NR6A1: variants seen among roughly 807,000 people sequenced by gnomAD.
NR6A1 encodes retinoic acid receptor-related testis-associated receptor.
Under a neutral mutation model 59.1 loss-of-function variants are expected in NR6A1, and 7 were observed. The ratio of observed to expected loss-of-function variants is 0.12; its 90% CI spans 0.07 to 0.22. The LOEUF (loss-of-function observed/expected upper bound fraction) is 0.22. NR6A1 is among the 10% of genes least tolerant of loss of function. NR6A1 has a pLI of 1.00. For missense variants in NR6A1, 468 were observed against 611.6 expected, an observed-to-expected ratio of 0.77 and a Z score of 2.48; for synonymous variants, 243 against 236.1, an observed-to-expected ratio of 1.03 and a Z score of -0.27.
chr9:124,680,438 G>T (rs904762115), intron 2 of NR6A1, among the ~76,000 whole-genome samples: 1 of 152,120 alleles, frequency 6.6e-6, no homozygotes, highest in East Asian at 1.9e-4. Context: ...AGGGATCAGT[G>T]AGACTCAGAA....
intron 2 of NR6A1, among the ~76,000 whole-genome samples, chr9:124,575,050 T>G (rs1834550035): frequency 6.6e-6 from 1 of 152,136 alleles, no homozygotes; most frequent in Non-Finnish European, 1.5e-5. Context: ...TTGCCTTGAG[T>G]CACTGTGATG....
chr9:124,667,185 C>A (rs1157421869), intron 2 of NR6A1, among the ~76,000 whole-genome samples: 2 of 151,938 alleles, frequency 1.3e-5, no homozygotes, highest in African/African-American at 4.8e-5. Context: ...CAGGCACCCG[C>A]CACGCCTGGC....
chr9:124,625,143 T>C (rs1836197371), intron 2 of NR6A1, among the ~76,000 whole-genome samples: 1 of 152,188 alleles, frequency 6.6e-6, no homozygotes, highest in Non-Finnish European at 1.5e-5. Flanking sequence ...TTTGAAGTTA[T>C]AGGACCTGGG....
intron 7 of NR6A1, among the ~76,000 whole-genome samples, chr9:124,533,363 C>G (rs1490457644): frequency 2.0e-5 from 3 of 152,188 alleles, no homozygotes; most frequent in Non-Finnish European, 2.9e-5. Context: ...CTCTATTTAC[C>G]AGACAGAGTG....
chr9:124,580,595 G>A (rs1337977500), intron 2 of NR6A1, among the ~76,000 whole-genome samples: 1 of 152,138 alleles, frequency 6.6e-6, no homozygotes, highest in Non-Finnish European at 1.5e-5. Flanking sequence ...CTAGGTGGGT[G>A]GATCACTTGA....
At chr9:124,552,473 C>T (rs1833807703) in intron 3 of NR6A1, among the ~76,000 whole-genome samples, 1 of 152,170 alleles carries the variant, frequency 6.6e-6, no homozygotes, top group African/African-American at 2.4e-5. Context: ...CTTGGTAACA[C>T]TTCAAATGTC....
chr9:124,688,322 G>A (rs1588787098), intron 2 of NR6A1, among the ~76,000 whole-genome samples: 1 of 151,190 alleles, frequency 6.6e-6, no homozygotes, highest in East Asian at 1.9e-4. Flanking sequence ...AAGAGACCCT[G>A]TCTTTAAAAA....
At position 124,650,366 on chromosome 9, in the gene NR6A1, T is replaced by C. The variant is rs1206927650; in HGVS notation, c.142+82942A>G. On this transcript the variant is annotated intron_variant, in intron 2 of 9. Coordinates refer to ENST00000487099, the MANE Select transcript of NR6A1 (RefSeq NM_033334.4). ...AATATCACATGTTCCCACTCATACATGGGAGCTTAAAAAAAAACAACTGAT... is the reference window on the plus strand; with the variant it reads ...AATATCACATGTTCCCACTCATACACGGGAGCTTAAAAAAAAACAACTGAT... Among the ~76,000 whole-genome samples, 5 of 151,896 alleles carry C rather than the reference T, an allele frequency of 3.3e-5. No homozygotes were observed. The East Asian group carries it at 9.6e-4, about 29-fold the overall frequency.
intron 2 of NR6A1, among the ~76,000 whole-genome samples, chr9:124,710,891 C>T (rs1403965119): frequency 1.3e-5 from 2 of 152,112 alleles, no homozygotes; most frequent in Non-Finnish European, 2.9e-5. Context: ...TTTTGCTTTA[C>T]TCTTCAATTA....
rs113636107 is a variant in NR6A1 at position 124,602,709 on chromosome 9, C to T, written c.143-48139G>A. On this transcript the variant is annotated intron_variant, in intron 2 of 9. Coordinates refer to ENST00000487099, the MANE Select transcript of NR6A1 (RefSeq NM_033334.4). Reference sequence around the variant, plus strand: ...TCTATCTAAAAAGAACTCAGTTCTACGTGAGAATTCTGGGAAAAGGCAAGA... The same window carrying T: ...TCTATCTAAAAAGAACTCAGTTCTATGTGAGAATTCTGGGAAAAGGCAAGA... Among the ~76,000 whole-genome samples, 1,283 of 152,234 alleles carry T rather than the reference C, an allele frequency of 8.4e-3. 18 individuals are homozygous for T. The highest frequency in any genetic ancestry group is 0.029 in the African/African-American group (1,222 of 41,528).
chr9:124,641,476 A>C (rs1401587285), intron 2 of NR6A1, among the ~76,000 whole-genome samples: 1 of 152,018 alleles, frequency 6.6e-6, no homozygotes, highest in Non-Finnish European at 1.5e-5. Context: ...CCAAGGCAGG[A>C]AGACTGCTTG....
chr9:124,562,342 A>G (rs1409589207), intron 2 of NR6A1, among the ~76,000 whole-genome samples: 1 of 152,204 alleles, frequency 6.6e-6, no homozygotes, highest in Non-Finnish European at 1.5e-5. Flanking sequence ...ACCATAACTA[A>G]ACACAAACAT....
intron 1 of NR6A1, among the ~76,000 whole-genome samples, chr9:124,737,848 G>C (rs561762025): frequency 1.3e-5 from 2 of 152,256 alleles, no homozygotes; most frequent in South Asian, 2.1e-4. Context: ...CTGGGGGAAA[G>C]AGCAAGACTC....
chr9:124,557,840 G>A (rs1252925584), intron 2 of NR6A1, among the ~76,000 whole-genome samples: 1 of 152,186 alleles, frequency 6.6e-6, no homozygotes, highest in East Asian at 1.9e-4. Context: ...TGACTATAAT[G>A]TAAACCAGAG....
At chr9:124,536,313 C>A (rs1183562267) in intron 6 of NR6A1, among the ~76,000 whole-genome samples, 181 bp from the exon 7 acceptor site, 1 of 152,032 alleles carries the variant, frequency 6.6e-6, no homozygotes, top group Non-Finnish European at 1.5e-5. Context: ...CTGAGGCCAG[C>A]AGCAAGTTCA....
At chr9:124,648,301 C>T (rs539655726) in intron 2 of NR6A1, among the ~76,000 whole-genome samples, 98 of 152,216 alleles carry the variant, frequency 6.4e-4, no homozygotes, top group Non-Finnish European at 1.1e-3. Flanking sequence ...AGTTCGAGAC[C>T]AGCCTGGGCA....
intron 1 of NR6A1, among the ~76,000 whole-genome samples, chr9:124,762,425 A>C (rs1840808146): frequency 6.6e-6 from 1 of 152,230 alleles, no homozygotes; most frequent in South Asian, 2.1e-4. Flanking sequence ...CCTAGCAGCT[A>C]GATCTCCTAT....
chr9:124,643,477 G>A (rs1836828838), intron 2 of NR6A1, among the ~76,000 whole-genome samples: 1 of 151,938 alleles, frequency 6.6e-6, no homozygotes, highest in Non-Finnish European at 1.5e-5. Context: ...ACGTGCACCT[G>A]TAGTCCCAGG....
intron 2 of NR6A1, among the ~76,000 whole-genome samples, chr9:124,668,982 T>A (rs1837707782): frequency 6.6e-6 from 1 of 152,116 alleles, no homozygotes; most frequent in African/African-American, 2.4e-5. Context: ...TAAGTAGGGA[T>A]CTCCCTAAGA....
Sources: allele counts gnomAD v4.1 joint callset (sites outside exome capture counted in the v4.1 genomes callset), GRCh38; gene constraint gnomAD v4.1.1; transcripts MANE v1.5; gene names NCBI Gene and HGNC (gene_info 2026-07-23, HGNC 2026-07-21).